The following GORASP2 variants were observed in gnomAD, a reference collection of about 807,000 sequenced individuals.
The protein encoded by GORASP2 is Golgi reassembly-stacking protein 2.
GORASP2 carries 22 observed loss-of-function variants against 45.7 expected under a neutral mutation model. That is an observed-to-expected ratio of 0.48 (90% CI 0.34 to 0.69). GORASP2 has a LOEUF of 0.69. Among genes scored for constraint, GORASP2 ranks in the 30% least tolerant of loss-of-function variants. The probability of loss-of-function intolerance (pLI) is 0.01; values close to 1 mark genes in which losing one functional copy is unlikely to be tolerated. For missense variants in GORASP2, 491 were observed against 562.7 expected (o/e 0.87, Z 1.29); for synonymous variants, 221 against 215.6 (o/e 1.02, Z -0.22).
At chr2:170,959,046 C>T (rs1162888874) in intron 7 of GORASP2, among the ~76,000 whole-genome samples, 1 of 151,496 alleles carries the variant, frequency 6.6e-6, no homozygotes. Flanking sequence ...CTGCAACCTC[C>T]GCCTCCTGGG....
intron 1 of GORASP2, chr2:170,936,567 A>G (rs954595279): frequency 1.8e-6 from 2 of 1,113,954 alleles, no homozygotes; most frequent in East Asian, 1.2e-4. Flanking sequence ...TGGCATTGCA[A>G]ATAAATTTAC....
intron 9 of GORASP2, among the ~76,000 whole-genome samples, chr2:170,964,070 A>G (rs968903753): frequency 1.3e-5 from 2 of 152,250 alleles, no homozygotes; most frequent in African/African-American, 2.4e-5. Context: ...ACGGTAGCAG[A>G]TATTCCAAGT....
intron 4 of GORASP2, among the ~76,000 whole-genome samples, 191 bp downstream of exon 4, chr2:170,950,481 AAC>A (rs1261867308): frequency 2.6e-5 from 4 of 152,278 alleles, no homozygotes; most frequent in East Asian, 1.9e-4. Context: ...TGTGAGGAAA[AAC>A]ACATACTGTG....
intron 7 of GORASP2, among the ~76,000 whole-genome samples, chr2:170,960,271 C>G (rs1201804550): frequency 6.6e-6 from 1 of 152,068 alleles, no homozygotes; most frequent in Admixed American, 6.6e-5. Flanking sequence ...AGTAGGTGCC[C>G]CCCAAAAAAC....
At chr2:170,952,146 C>T (rs1444118094) in intron 5 of GORASP2, among the ~76,000 whole-genome samples, 2 of 152,182 alleles carry the variant, frequency 1.3e-5, no homozygotes, top group Non-Finnish European at 2.9e-5. Context: ...AAAAATACCC[C>T]CTCTCTAGTT....
chr2:170,929,024 A>C, upstream of GORASP2: 1 of 298,466 alleles, frequency 3.4e-6, no homozygotes, highest in African/African-American at 2.2e-5. Context: ...CAAGGCGCCA[A>C]AGCTGGGGGA....
chr2:170,961,367 T>A (rs1328969550), intron 7 of GORASP2, among the ~76,000 whole-genome samples: 5 of 152,226 alleles, frequency 3.3e-5, no homozygotes, highest in African/African-American at 1.2e-4. Context: ...AGTTTTCTAA[T>A]CTAGCCCTGC....
At chr2:170,951,567 C>G in intron 5 of GORASP2, 109 bp downstream of exon 5, 3 of 891,500 alleles carry the variant, frequency 3.4e-6, no homozygotes, top group Non-Finnish European at 5.0e-6. Context: ...TATTTTAAGA[C>G]TCCTCTTAAA....
At chr2:170,965,608 C>T (rs549821325) in intron 9 of GORASP2, among the ~76,000 whole-genome samples, 182 bp from the exon 10 acceptor site, 3 of 152,300 alleles carry the variant, frequency 2.0e-5, no homozygotes, top group South Asian at 2.1e-4. Context: ...CAGGCAGCTG[C>T]GATTGTAGGG....
chr2:170,944,528 A>G (rs1050015418), intron 1 of GORASP2, among the ~76,000 whole-genome samples: 1 of 152,216 alleles, frequency 6.6e-6, no homozygotes, highest in East Asian at 1.9e-4. Context: ...TTAGAATTCA[A>G]ATTTAGCTAT....
At chr2:170,961,801 T>C (rs1415563054) in intron 8 of GORASP2, 52 bp downstream of exon 8, 2 of 900,390 alleles carry the variant, frequency 2.2e-6, no homozygotes, top group Admixed American at 1.7e-5. Context: ...ATTACTGATA[T>C]TTGCATCTTA....
At chr2:170,938,525 G>T (rs1451966248) in intron 1 of GORASP2, among the ~76,000 whole-genome samples, 1 of 152,144 alleles carries the variant, frequency 6.6e-6, no homozygotes, top group South Asian at 2.1e-4. Context: ...CCTTTTCATT[G>T]CATTGCTACA....
chr2:170,936,705 G>A (rs1703966462), intron 1 of GORASP2: 7 of 1,158,272 alleles, frequency 6.0e-6, no homozygotes, highest in Middle Eastern at 2.8e-4. Context: ...TGTAATCCCA[G>A]CTACTCCAAT....
At chr2:170,931,703 AT>A (rs1415692144) in intron 1 of GORASP2, among the ~76,000 whole-genome samples, 1 of 152,022 alleles carries the variant, frequency 6.6e-6, no homozygotes, top group South Asian at 2.1e-4. Context: ...TGAGCTTTCC[AT>A]TTTTTTCATT....
chr2:170,960,174 G>C (rs1559315604), intron 7 of GORASP2, among the ~76,000 whole-genome samples: 1 of 151,818 alleles, frequency 6.6e-6, no homozygotes, highest in Non-Finnish European at 1.5e-5. Flanking sequence ...CCTTTTTCCT[G>C]CCCCTCATTA....
At chr2:170,949,424 T>G in intron 2 of GORASP2, 115 bp from the exon 3 acceptor site, 1 of 675,792 alleles carries the variant, frequency 1.5e-6, no homozygotes, top group Non-Finnish European at 2.5e-6. Flanking sequence ...GGTGAAACCT[T>G]TGTTGAATGT....
In GORASP2 at chr2:170,951,467, A is replaced by AT. The variant is rs1190175080; in HGVS notation, c.566+15dup. 2.5e-6 allele frequency: 4 copies of AT among 1,599,088 alleles called. No homozygotes were observed. The highest frequency in any genetic ancestry group is 1.7e-4 in the Middle Eastern group (1 of 6,020). On this transcript the variant is annotated intron_variant, in intron 5 of 9. Coordinates refer to ENST00000234160, the MANE Select transcript of GORASP2 (RefSeq NM_015530.5). Reference sequence around the variant, plus strand: ...TGGGGTGGAGAAGGCAGGTAAGGTCATTTTTTAGACTAAGTTATGACTGCT... The same window carrying AT: ...TGGGGTGGAGAAGGCAGGTAAGGTCATTTTTTTAGACTAAGTTATGACTGCT...
intron 1 of GORASP2, among the ~76,000 whole-genome samples, chr2:170,945,261 G>T (rs1704156694): frequency 6.6e-6 from 1 of 152,008 alleles, no homozygotes; most frequent in Admixed American, 6.6e-5. Flanking sequence ...AGGAGTTCGA[G>T]ACCTGCATTG....
chr2:170,958,938 G>C (rs1704490811), intron 7 of GORASP2, among the ~76,000 whole-genome samples: 1 of 152,040 alleles, frequency 6.6e-6, no homozygotes, highest in South Asian at 2.1e-4. Context: ...CCCAAGTGCT[G>C]GGATTACAGG....
Sources: allele counts gnomAD v4.1 joint callset (sites outside exome capture counted in the v4.1 genomes callset), GRCh38; gene constraint gnomAD v4.1.1; transcripts MANE v1.5; gene names NCBI Gene and HGNC (gene_info 2026-07-23, HGNC 2026-07-21).